Variants in ZMYM2 observed in about 807,000 individuals in gnomAD.
ZMYM2 encodes zinc finger MYM-type protein 2.
In ZMYM2, 56 loss-of-function variants were observed where a neutral mutation model predicts 162.8. That is an observed-to-expected ratio of 0.34 (90% CI 0.28 to 0.43). The LOEUF (loss-of-function observed/expected upper bound fraction) is 0.43. Ranked by LOEUF, ZMYM2 falls within the 20% of genes least tolerant of loss-of-function variation. The probability of loss-of-function intolerance (pLI) is 1.00; values close to 1 mark genes in which losing one functional copy is unlikely to be tolerated. For missense variants in ZMYM2, 1,275 were observed against 1,621.8 expected (o/e 0.79, Z 3.67); for synonymous variants, 510 against 541.6 (o/e 0.94, Z 0.81).
the ZMYM2 span, among the ~76,000 whole-genome samples, chr13:19,920,825 T>A: frequency 6.6e-6 from 1 of 152,114 alleles, no homozygotes; most frequent in African/African-American, 2.4e-5. Context: ...TGCAATGACA[T>A]GATCTTGGCT....
intron 6 of ZMYM2, among the ~76,000 whole-genome samples, chr13:20,017,108 G>A (rs1259155568): frequency 6.6e-6 from 1 of 152,150 alleles, no homozygotes; most frequent in African/African-American, 2.4e-5. Flanking sequence ...TTTCTGCTGG[G>A]TCAGACCACC....
intron 12 of ZMYM2, among the ~76,000 whole-genome samples, chr13:20,043,683 C>T (rs573761836): frequency 2.0e-5 from 3 of 151,918 alleles, no homozygotes; most frequent in East Asian, 3.9e-4. Context: ...GCTCCAACTG[C>T]AGTGTCGTTG....
At chr13:19,864,851 T>G in the ZMYM2 span, 7 of 149,450 alleles carry the variant, frequency 4.7e-5, no homozygotes, top group Non-Finnish European at 9.0e-5. Context: ...CTTTTGTTCC[T>G]CGTCTACACC....
chr13:20,077,712 G>A (rs186316770), intron 21 of ZMYM2, among the ~76,000 whole-genome samples: 1 of 152,294 alleles, frequency 6.6e-6, no homozygotes, highest in African/African-American at 2.4e-5. Context: ...AATGTGAAGT[G>A]GAGAAAGCTT....
At position 20,027,349 on chromosome 13, in the gene ZMYM2, C is replaced by G. The variant is rs59904064; in HGVS notation, c.1851+31C>G. ...TCGTTTATTTTGCATAACCCATGCCCCCAATAAAATACACATAGAAAATAA... is the reference window on the plus strand; with the variant it reads ...TCGTTTATTTTGCATAACCCATGCCGCCAATAAAATACACATAGAAAATAA... On this transcript the variant is annotated intron_variant, in intron 9 of 24. Coordinates refer to ENST00000610343, the MANE Select transcript of ZMYM2 (RefSeq NM_197968.4). 422 of 1,462,336 alleles carry G rather than the reference C, an allele frequency of 2.9e-4. 3 individuals carry two copies. In the African/African-American group the frequency reaches 5.0e-3, roughly 17 times the overall value. 90.6% of individuals were successfully genotyped at this position (1,462,336 alleles called of 1,614,324 possible).
At chr13:19,923,356 CAAAAAAAA>C in the ZMYM2 span, among the ~76,000 whole-genome samples, 45 of 57,364 alleles carry the variant, frequency 7.8e-4, no homozygotes, top group African/African-American at 3.3e-3. Flanking sequence ...GACTCCGTCG[CAAAAAAAA>C]AAAAAAAAAA....
intron 17 of ZMYM2, 120 bp from the exon 18 acceptor site, chr13:20,062,726 C>A: frequency 9.7e-7 from 1 of 1,027,710 alleles, no homozygotes; most frequent in Non-Finnish European, 1.3e-6. Context: ...TCTTTTGTGA[C>A]ATTATACGTA....
At chr13:20,043,364 A>G (rs527981673) in intron 12 of ZMYM2, among the ~76,000 whole-genome samples, 2 of 152,180 alleles carry the variant, frequency 1.3e-5, no homozygotes, top group East Asian at 3.9e-4. Context: ...GATGGGGTGC[A>G]CACTTGTTGG....
At chr13:19,941,238 G>A in the ZMYM2 span, among the ~76,000 whole-genome samples, 1 of 151,716 alleles carries the variant, frequency 6.6e-6, no homozygotes, top group African/African-American at 2.4e-5. Context: ...AACCCAGGAG[G>A]CAGAGGTTGC....
intron 21 of ZMYM2, among the ~76,000 whole-genome samples, chr13:20,069,546 T>C (rs1956926286): frequency 6.6e-6 from 1 of 151,952 alleles, no homozygotes; most frequent in Non-Finnish European, 1.5e-5. Context: ...TAAATGCTTA[T>C]TGAATTTTGT....
At chr13:20,021,182 A>G (rs545390290) in intron 7 of ZMYM2, among the ~76,000 whole-genome samples, 5 of 151,974 alleles carry the variant, frequency 3.3e-5, no homozygotes, top group Non-Finnish European at 2.9e-5. Flanking sequence ...TCACCGTGTT[A>G]GCCAGGATGG....
At chr13:20,024,609 AC>A (rs1952413569) in intron 7 of ZMYM2, 1 of 224,488 alleles carries the variant, frequency 4.5e-6, no homozygotes, top group Admixed American at 5.7e-5. Context: ...CAAGTTTTAA[AC>A]ATTTTATATT....
the ZMYM2 span, among the ~76,000 whole-genome samples, chr13:19,907,696 A>G: frequency 1.3e-4 from 16 of 118,984 alleles, no homozygotes; most frequent in African/African-American, 4.1e-4. Context: ...CGGGAATCGG[A>G]GGTTGCAGTG....
At chr13:20,058,928 CAA>C (rs765669639) in intron 15 of ZMYM2, 1 of 665,104 alleles carries the variant, frequency 1.5e-6, no homozygotes, top group South Asian at 1.5e-5. Context: ...CAAATTATGT[CAA>C]AAGTGAAAAA....
the ZMYM2 span, among the ~76,000 whole-genome samples, chr13:19,938,218 T>C: frequency 1.3e-5 from 2 of 152,146 alleles, no homozygotes; most frequent in African/African-American, 4.8e-5. Flanking sequence ...ATCCCTGAAA[T>C]AAAGATGGCC....
At chr13:19,931,910 C>T in the ZMYM2 span, among the ~76,000 whole-genome samples, 1 of 152,228 alleles carries the variant, frequency 6.6e-6, no homozygotes, top group African/African-American at 2.4e-5. Flanking sequence ...CAGTCGTAAG[C>T]CACTACACCC....
the ZMYM2 span, among the ~76,000 whole-genome samples, chr13:19,938,738 T>C: frequency 7.3e-5 from 11 of 151,552 alleles, no homozygotes; most frequent in Non-Finnish European, 1.5e-4. Context: ...TTTTTTTTTC[T>C]GAAAACAGGA....
intron 2 of ZMYM2, among the ~76,000 whole-genome samples, chr13:19,971,892 G>A (rs550593904): frequency 1.3e-5 from 2 of 152,234 alleles, no homozygotes; most frequent in South Asian, 4.1e-4. Context: ...TAGATGTAGA[G>A]AGTAGGCAGT....
chr13:19,938,509 A>C, the ZMYM2 span, among the ~76,000 whole-genome samples: 2 of 152,182 alleles, frequency 1.3e-5, no homozygotes, highest in African/African-American at 4.8e-5. Context: ...ATAAATAAAT[A>C]AGTAAATAAG....
Sources: allele counts gnomAD v4.1 joint callset (sites outside exome capture counted in the v4.1 genomes callset), GRCh38; gene constraint gnomAD v4.1.1; transcripts MANE v1.5; gene names NCBI Gene and HGNC (gene_info 2026-07-23, HGNC 2026-07-21).